The following RASGRF2 variants were observed in gnomAD, a reference collection of about 807,000 sequenced individuals.
RASGRF2 encodes the protein ras-specific guanine nucleotide-releasing factor 2.
RASGRF2 carries 76 observed loss-of-function variants against 151.0 expected under a neutral mutation model. That is an observed-to-expected ratio of 0.50 (90% CI 0.42 to 0.61). RASGRF2 has a LOEUF of 0.61. Ranked by LOEUF, RASGRF2 falls within the 20% of genes least tolerant of loss-of-function variation. The probability of loss-of-function intolerance (pLI) is 0.00; values close to 1 mark genes in which losing one functional copy is unlikely to be tolerated. For missense variants in RASGRF2, 1,148 were observed against 1,564.6 expected (o/e 0.73, Z 4.49); for synonymous variants, 504 against 566.5 (o/e 0.89, Z 1.57).
At chr5:81,187,303 T>C (rs1755046767) in intron 18 of RASGRF2, among the ~76,000 whole-genome samples, 2 of 152,228 alleles carry the variant, frequency 1.3e-5, no homozygotes, top group African/African-American at 4.8e-5. Flanking sequence ...GGAGTTTTAA[T>C]GTTATTGAAT....
At position 81,212,576 on chromosome 5, in the gene RASGRF2, G is replaced by A. The variant is rs138444946; in HGVS notation, c.3354+13G>A. On this transcript the variant is annotated intron_variant, in intron 23 of 26. Transcript: ENST00000265080. ...GGTCTCTAAGCAGGTGAGCCTCAGC[G>A]TGTGACACAGCCTGCTGCTAAGAGG... The A allele has an allele frequency of 4.1e-5, 66 of 1,595,946 alleles. No individual in the cohort carries two copies. The highest frequency in any genetic ancestry group is 1.8e-4 in the East Asian group (8 of 44,498).
In RASGRF2 at chr5:81,227,585, T is replaced by C. The variant is rs1756025601; in HGVS notation, c.*1815T>C. 6.6e-6 allele frequency: 1 copy of C among 152,222 alleles called. No individual in the cohort carries two copies. The highest frequency in any genetic ancestry group is 1.5e-5 in the Non-Finnish European group (1 of 68,034). The allele number at this position is 152,222 out of a possible 1,614,324, so 9.4% of individuals were successfully genotyped here. ...TTGGATCCTAACAACGCATAACTTGTGATTTATTTCTCAGTGCTCCAGAAA... is the reference window on the plus strand; with the variant it reads ...TTGGATCCTAACAACGCATAACTTGCGATTTATTTCTCAGTGCTCCAGAAA... On this transcript the variant is annotated 3_prime_UTR_variant, in exon 27 of 27. Coordinates refer to ENST00000265080, the MANE Select transcript of RASGRF2 (RefSeq NM_006909.3).
At chr5:81,150,458 T>C (rs779708346) in intron 17 of RASGRF2, among the ~76,000 whole-genome samples, 2 of 152,192 alleles carry the variant, frequency 1.3e-5, no homozygotes, top group Non-Finnish European at 2.9e-5. Flanking sequence ...GGCTGTTTCC[T>C]CCACTTGATT....
At chr5:81,072,803 T>C (rs535130902) in intron 4 of RASGRF2, among the ~76,000 whole-genome samples, 1 of 152,300 alleles carries the variant, frequency 6.6e-6, no homozygotes, top group East Asian at 1.9e-4. Context: ...CACCTTAGCC[T>C]CCCAAATAAC....
At chr5:81,137,445 C>A (rs248981) in intron 17 of RASGRF2, among the ~76,000 whole-genome samples, 110,852 of 152,124 alleles carry the variant, frequency 0.73, 40,582 homozygotes, top group East Asian at 0.82. Context: ...TAATAATTCC[C>A]AGGTCTTTGT....
intron 17 of RASGRF2, among the ~76,000 whole-genome samples, chr5:81,156,379 CA>C (rs1278664466): frequency 6.6e-6 from 1 of 152,032 alleles, no homozygotes; most frequent in Non-Finnish European, 1.5e-5. Context: ...ACCTTGATAC[CA>C]AAGTCAGACA....
Position 81,112,860 on chromosome 5 carries a change from T to A in RASGRF2, c.2087+2T>A, listed in dbSNP as rs1467603940. 6.2e-7 allele frequency: 1 copy of A among 1,614,172 alleles called. No individual in the cohort carries two copies. The highest frequency in any genetic ancestry group is 8.5e-7 in the Non-Finnish European group (1 of 1,180,018). On this transcript the variant is annotated splice_donor_variant, in intron 14 of 26. Transcript: ENST00000265080. LOFTEE classifies it high-confidence loss of function. Reference sequence around the variant, plus strand: ...GCCTTTCACCTCCATCCCTGTCAGGTACACCTATTGCTAGAGGTTAGCCTG... The same window carrying A: ...GCCTTTCACCTCCATCCCTGTCAGGAACACCTATTGCTAGAGGTTAGCCTG...
intron 1 of RASGRF2, among the ~76,000 whole-genome samples, chr5:80,964,762 A>G (rs916268205): frequency 6.6e-6 from 1 of 152,162 alleles, no homozygotes; most frequent in African/African-American, 2.4e-5. Flanking sequence ...ATGTTCAAAG[A>G]AAAACGGGAT....
At chr5:80,996,321 CTGTG>C (rs199563210) in intron 1 of RASGRF2, among the ~76,000 whole-genome samples, 1 of 134,550 alleles carries the variant, frequency 7.4e-6, no homozygotes, top group Non-Finnish European at 1.6e-5. Flanking sequence ...CTCTCTCTCT[CTGTG>C]TGTGTGATAA....
chr5:80,999,637 G>A (rs1749015423), intron 1 of RASGRF2, among the ~76,000 whole-genome samples: 1 of 152,172 alleles, frequency 6.6e-6, no homozygotes, highest in Non-Finnish European at 1.5e-5. Context: ...GGGATTACAG[G>A]TGTAAGCCAA....
chr5:81,053,437 C>A (rs952247714), intron 2 of RASGRF2, among the ~76,000 whole-genome samples: 95 of 151,960 alleles, frequency 6.3e-4, no homozygotes, highest in African/African-American at 2.2e-3. Flanking sequence ...CATCCATGTC[C>A]CTACAAAGGA....
At chr5:81,006,815 A>C (rs1749284131) in intron 1 of RASGRF2, among the ~76,000 whole-genome samples, 1 of 152,170 alleles carries the variant, frequency 6.6e-6, no homozygotes, top group Non-Finnish European at 1.5e-5. Context: ...CACTTTCCTG[A>C]GTTTTCATTA....
rs568362857 is a variant in RASGRF2, at chr5:81,073,086, A to G, written c.634-113A>G. ...TCCCTAGGGAATCCTTATCAATTTT[A>G]GAGGTTATCATGTTTTCTGCAAAAT... is the stretch of plus-strand genomic sequence containing the variant. On this transcript the variant is annotated intron_variant, in intron 4 of 26. Transcript: ENST00000265080. The G allele has an allele frequency of 2.4e-6, 3 of 1,269,906 alleles. No homozygotes were observed. The Admixed American group carries it at 7.4e-5, about 31-fold the overall frequency. The allele number at this position is 1,269,906 out of a possible 1,614,324, so 78.7% of individuals were successfully genotyped here. A position where few individuals can be genotyped will look rare whatever the true frequency, so the allele number is the denominator to read the frequency against.
At chr5:80,999,879 C>T (rs180746710) in intron 1 of RASGRF2, among the ~76,000 whole-genome samples, 1 of 152,290 alleles carries the variant, frequency 6.6e-6, no homozygotes, top group Non-Finnish European at 1.5e-5. Context: ...AACAAACTAA[C>T]CCACCTCCCC....
At position 81,113,531 on chromosome 5, in the gene RASGRF2, T is replaced by C. The variant is rs758608687; in HGVS notation, c.2088-7T>C. 6.2e-7 allele frequency: 1 copy of C among 1,602,878 alleles called. No homozygotes were observed. The highest frequency in any genetic ancestry group is 8.5e-7 in the Non-Finnish European group (1 of 1,170,788). On this transcript the variant is annotated splice_region_variant and splice_polypyrimidine_tract_variant and intron_variant, in intron 14 of 26. Transcript: ENST00000265080. ...AATCTCTTAGCCACTTTTGCTCTCA[T>C]TTTTAGGTCATTGGAATTGTTTTTT...
At chr5:81,198,764 T>G (rs1357505576) in intron 18 of RASGRF2, among the ~76,000 whole-genome samples, 3 of 152,206 alleles carry the variant, frequency 2.0e-5, no homozygotes, top group African/African-American at 4.8e-5. Flanking sequence ...TAAGGCTGCA[T>G]AGTATTCCAT....
chr5:81,056,245 G>C (rs1331475620), intron 2 of RASGRF2, among the ~76,000 whole-genome samples: 2 of 152,108 alleles, frequency 1.3e-5, no homozygotes, highest in African/African-American at 2.4e-5. Flanking sequence ...GATCTTTCCT[G>C]CTTTCTCTTG....
intron 17 of RASGRF2, among the ~76,000 whole-genome samples, chr5:81,166,691 T>G (rs761786315): frequency 2.6e-5 from 4 of 151,756 alleles, no homozygotes; most frequent in Non-Finnish European, 4.4e-5. Context: ...GTAATTGAGG[T>G]CAGCGAAAGG....
chr5:81,119,512 T>C (rs1424409287), intron 15 of RASGRF2, among the ~76,000 whole-genome samples: 2 of 152,204 alleles, frequency 1.3e-5, no homozygotes, highest in African/African-American at 4.8e-5. Context: ...TTCCAACATA[T>C]GAACTTTAGG....
Sources: allele counts gnomAD v4.1 joint callset (sites outside exome capture counted in the v4.1 genomes callset), GRCh38; gene constraint gnomAD v4.1.1; transcripts MANE v1.5; gene names NCBI Gene and HGNC (gene_info 2026-07-23, HGNC 2026-07-21).